Variants in IFNGR1 observed in about 807,000 individuals in gnomAD.
IFNGR1 encodes AVP, type 2.
A neutral mutation model predicts 35.4 loss-of-function variants in IFNGR1; 23 were observed. That is an observed-to-expected ratio of 0.65 (90% CI 0.47 to 0.92). The LOEUF is 0.92. Among genes scored for constraint, IFNGR1 ranks in the 40% least tolerant of loss-of-function variants. The pLI is 0.00. For missense variants in IFNGR1, 533 were observed against 583.4 expected (o/e 0.91, Z 0.89); for synonymous variants, 199 against 209.5 (o/e 0.95, Z 0.43).
rs986932525 is a variant in IFNGR1 at position 137,200,946 on chromosome 6, T to C, written c.796A>G (p.Ile266Val). The change falls in exon 6 of 7, where the codon ATC becomes GTC. Residue 266 changes from isoleucine to valine, a missense_variant. By Grantham distance (29) the Ile-to-Val change is conservative (BLOSUM62 3). Transcript: ENST00000367739. Reference sequence around the variant, plus strand: ...TTAATTTTCTTAATATAAAAACAGATGAATACCAGGCTAAGCACTAGAAAG... The same window carrying C: ...TTAATTTTCTTAATATAAAAACAGACGAATACCAGGCTAAGCACTAGAAAG... The part of the protein sequence containing the change: ...LLFLVLSLVF[I>V]CFYIKKINPL... The C allele has an allele frequency of 6.2e-7, 1 of 1,611,474 alleles. No homozygotes were observed. The highest frequency in any genetic ancestry group is 2.2e-5 in the East Asian group (1 of 44,744).
At chr6:137,207,160 T>A (rs1779455263) in intron 1 of IFNGR1, 83 bp from the exon 2 acceptor site, 3 of 1,538,316 alleles carry the variant, frequency 2.0e-6, no homozygotes, top group Non-Finnish European at 2.6e-6. Flanking sequence ...GATGCCACAT[T>A]GCCCAGATAT....
At chr6:137,204,813 T>C (rs1779391948) in intron 3 of IFNGR1, among the ~76,000 whole-genome samples, 1 of 152,226 alleles carries the variant, frequency 6.6e-6, no homozygotes, top group African/African-American at 2.4e-5. Flanking sequence ...CTTCACATAA[T>C]ATAGACTCTA....
At position 137,197,694 on chromosome 6, in the gene IFNGR1, G is replaced by T; in HGVS notation, c.*337C>A. On this transcript the variant is annotated 3_prime_UTR_variant, in exon 7 of 7. Coordinates refer to ENST00000367739, the MANE Select transcript of IFNGR1 (RefSeq NM_000416.3). ...ATATGCTATACCAAGGCAGAGAAAA[G>T]AAAAAAAGTGAAGTGGCTACAAAGG... The T allele has an allele frequency of 4.6e-6, 1 of 219,660 alleles. No individual in the cohort carries two copies. The highest frequency in any genetic ancestry group is 9.2e-6 in the Non-Finnish European group (1 of 108,522). The allele number at this position is 219,660 out of a possible 1,614,324, so 13.6% of individuals were successfully genotyped here.
chr6:137,202,640 C>T (rs1354484117), intron 5 of IFNGR1, among the ~76,000 whole-genome samples: 1 of 135,150 alleles, frequency 7.4e-6, no homozygotes, highest in African/African-American at 2.7e-5. Flanking sequence ...CACACACACA[C>T]ACACAAAGAT....
chr6:137,203,023 C>CT (rs1167924709), intron 5 of IFNGR1, among the ~76,000 whole-genome samples: 2 of 152,030 alleles, frequency 1.3e-5, no homozygotes, highest in Non-Finnish European at 2.9e-5. Flanking sequence ...GACCCATTAT[C>CT]TATTATTCAA....
intron 6 of IFNGR1, among the ~76,000 whole-genome samples, chr6:137,200,207 T>C (rs1221415753): frequency 6.6e-6 from 1 of 152,222 alleles, no homozygotes; most frequent in Non-Finnish European, 1.5e-5. Flanking sequence ...AGGTAGTTTA[T>C]AGCAAATTTT....
chr6:137,204,460 G>A lies in IFNGR1; in HGVS notation c.418C>T (p.Gln140Ter), dbSNP rs2114479795. Reference sequence around the variant, plus strand: ...GGGTGAAATATGTCAATCATGATTTGCTTCTCCTCCTTTCTGATATCCAGT... The same window carrying A: ...GGGTGAAATATGTCAATCATGATTTACTTCTCCTCCTTTCTGATATCCAGT... ...PKLDIRKEEK[Q>*]IMIDIFHPSV... The change falls in exon 4 of 7, where the codon CAA becomes TAA. Residue 140 changes from glutamine (Q) to a stop codon, truncating the protein, a stop_gained. Transcript: ENST00000367739. LOFTEE classifies it high-confidence loss of function. 6 of 1,613,892 alleles carry A rather than the reference G, an allele frequency of 3.7e-6. No individual in the cohort carries two copies. Among genetic ancestry groups the A allele is most frequent in the South Asian group, 2.2e-5 (2 of 91,070 alleles).
intron 3 of IFNGR1, 53 bp from the exon 4 acceptor site, chr6:137,204,557 G>T: frequency 1.5e-6 from 2 of 1,379,232 alleles, no homozygotes; most frequent in Non-Finnish European, 2.1e-6. Flanking sequence ...GAACTAAATG[G>T]TACATTTCAT....
At chr6:137,201,670 TCAAAA>T (rs1279639052) in intron 5 of IFNGR1, among the ~76,000 whole-genome samples, 4 of 150,174 alleles carry the variant, frequency 2.7e-5, no homozygotes, top group Non-Finnish European at 1.5e-5. Flanking sequence ...AGACTCCATT[TCAAAA>T]CAAAACAAAA....
chr6:137,204,241 T>G, intron 4 of IFNGR1, 91 bp downstream of exon 4: 1 of 1,072,914 alleles, frequency 9.3e-7, no homozygotes, highest in South Asian at 1.3e-5. Flanking sequence ...CTTGAATATT[T>G]ATAAGCATCC....
At chr6:137,206,888 A>G in intron 2 of IFNGR1, 75 bp downstream of exon 2, 1 of 1,152,806 alleles carries the variant, frequency 8.7e-7, no homozygotes, top group Non-Finnish European at 1.3e-6. Flanking sequence ...GGCTGATGAA[A>G]GAACACAGTT....
Position 137,206,263 on chromosome 6 carries a change from A to G in IFNGR1, c.246T>C (p.His82=), listed in dbSNP as rs559991211. Residue 82 remains histidine (H), a synonymous_variant, in exon 3 of 7, where the codon CAT becomes CAC. Coordinates refer to ENST00000367739, the MANE Select transcript of IFNGR1 (RefSeq NM_000416.3). The stretch of plus-strand genomic sequence containing the variant: ...CATGATCAGAAATATTACAATAATG[A>G]TGAGAAATATTGATGCAGGCATCAA... ...EWIDACINIS[H]HYCNISDHVG... is the part of the protein sequence containing the mutation. 3.1e-6 allele frequency: 5 copies of G among 1,610,184 alleles called. No individual in the cohort carries two copies. The highest frequency in any genetic ancestry group is 4.3e-6 in the Non-Finnish European group (5 of 1,176,464).
intron 1 of IFNGR1, among the ~76,000 whole-genome samples, chr6:137,217,802 T>G (rs933965414): frequency 6.6e-6 from 1 of 152,166 alleles, no homozygotes; most frequent in Admixed American, 6.5e-5. Context: ...GGTTCCTACT[T>G]CTCCACCTAA....
intron 2 of IFNGR1, 36 bp downstream of exon 2, chr6:137,206,927 T>C (rs1428314901): frequency 2.6e-6 from 4 of 1,513,410 alleles, no homozygotes; most frequent in Non-Finnish European, 3.7e-6. Flanking sequence ...TAAACAAAAA[T>C]GGAATAAAAA....
intron 1 of IFNGR1, among the ~76,000 whole-genome samples, chr6:137,207,713 T>A (rs1450619256): frequency 6.6e-6 from 1 of 152,214 alleles, no homozygotes; most frequent in Non-Finnish European, 1.5e-5. Flanking sequence ...TTCTGAGGCC[T>A]CTCCAACCAT....
chr6:137,218,158 C>A (rs375186295), intron 1 of IFNGR1, among the ~76,000 whole-genome samples: 8 of 152,274 alleles, frequency 5.3e-5, no homozygotes, highest in African/African-American at 9.6e-5. Context: ...GTTGGGCAGG[C>A]CTCTCCGTAA....
At chr6:137,202,274 A>G (rs777080990) in intron 5 of IFNGR1, among the ~76,000 whole-genome samples, 1 of 152,268 alleles carries the variant, frequency 6.6e-6, no homozygotes, top group Non-Finnish European at 1.5e-5. Flanking sequence ...AGCCACGGCA[A>G]TGCCACCGTG....
At chr6:137,217,377 T>G (rs954518344) in intron 1 of IFNGR1, among the ~76,000 whole-genome samples, 1 of 152,206 alleles carries the variant, frequency 6.6e-6, no homozygotes, top group African/African-American at 2.4e-5. Context: ...GGTGTATTAT[T>G]TTGTTGGCTC....
At chr6:137,215,884 G>T (rs937435365) in intron 1 of IFNGR1, among the ~76,000 whole-genome samples, 8 of 152,018 alleles carry the variant, frequency 5.3e-5, no homozygotes, top group Admixed American at 4.6e-4. Flanking sequence ...GTTAATTTTT[G>T]TATTTTTTTG....
Sources: gnomAD v4.1 joint callset for allele counts (sites outside exome capture counted in the v4.1 genomes callset) on GRCh38, gnomAD v4.1.1 for gene constraint, MANE v1.5 for transcripts, NCBI Gene and HGNC (gene_info 2026-07-23, HGNC 2026-07-21) for gene names.